FRMPD4: variants seen among roughly 807,000 people sequenced by gnomAD.
FRMPD4 encodes FERM and PDZ domain containing 4, also known as FERM and PDZ domain-containing protein 4.
Under a neutral mutation model 94.1 loss-of-function variants are expected in FRMPD4, and 22 were observed. That is an observed-to-expected ratio of 0.23 (90% CI 0.17 to 0.33). FRMPD4 has a LOEUF of 0.33. Ranked by LOEUF, FRMPD4 falls within the 10% of genes least tolerant of loss-of-function variation. The pLI is 1.00. For synonymous variants in FRMPD4, 631 were observed against 548.6 expected, an observed-to-expected ratio of 1.15 and a Z score of -2.10; for missense variants, 1,111 against 1,339.9, an observed-to-expected ratio of 0.83 and a Z score of 2.67.
intron 1 of FRMPD4, among the ~76,000 whole-genome samples, chrX:12,217,669 C>T (rs767949660): frequency 1.8e-5 from 2 of 111,991 alleles, no homozygotes; most frequent in Admixed American, 9.5e-5. Context: ...GTCAGTAAAC[C>T]GTGCCCTGCT....
chrX:12,169,476 T>C (rs1276829755), intron 1 of FRMPD4, among the ~76,000 whole-genome samples: 2 of 111,633 alleles, frequency 1.8e-5, no homozygotes, highest in Admixed American at 1.9e-4. Context: ...AGATCATAGG[T>C]TGACAAATTG....
chrX:11,974,584 G>T (rs2054357723), intron 3 of FRMPD4, among the ~76,000 whole-genome samples: 1 of 112,374 alleles, frequency 8.9e-6, no homozygotes, highest in African/African-American at 3.2e-5. Context: ...TCAGAAACCA[G>T]ATGATTCCCA....
chrX:12,298,274 T>A (rs918024073), intron 1 of FRMPD4, among the ~76,000 whole-genome samples: 2 of 112,258 alleles, frequency 1.8e-5, no homozygotes, highest in Admixed American at 9.4e-5. Flanking sequence ...TACACACAGA[T>A]CCCCTCAATG....
chrX:12,578,589 T>A (rs991826528), intron 2 of FRMPD4, among the ~76,000 whole-genome samples: 1 of 112,072 alleles, frequency 8.9e-6, no homozygotes, highest in Non-Finnish European at 1.9e-5. Flanking sequence ...TGTGTTTGTG[T>A]GTTTATGTTA....
At chrX:12,420,890 A>G (rs773498606) in intron 1 of FRMPD4, among the ~76,000 whole-genome samples, 1 of 111,826 alleles carries the variant, frequency 8.9e-6, no homozygotes. Context: ...CTCCGTACCT[A>G]TTTGTCGAAT....
chrX:12,255,557 A>G (rs1402576093), intron 1 of FRMPD4, among the ~76,000 whole-genome samples: 1 of 112,321 alleles, frequency 8.9e-6, no homozygotes, highest in Non-Finnish European at 1.9e-5. Context: ...ATTCAATTCA[A>G]TTCTGTTATC....
At chrX:12,620,833 G>A (rs1024587193) in intron 4 of FRMPD4, among the ~76,000 whole-genome samples, 4 of 112,577 alleles carry the variant, frequency 3.6e-5, no homozygotes, top group African/African-American at 1.3e-4. Context: ...GTAGTCACAT[G>A]ATCTGGCTCC....
intron 3 of FRMPD4, among the ~76,000 whole-genome samples, chrX:11,943,287 A>G (rs1261184855): frequency 9.0e-6 from 1 of 111,261 alleles, no homozygotes; most frequent in African/African-American, 3.3e-5. Context: ...TTTTTATTAC[A>G]TTCTGATTTT....
At chrX:12,119,016 G>A (rs2055433215) in intron 3 of FRMPD4, among the ~76,000 whole-genome samples, 1 of 110,988 alleles carries the variant, frequency 9.0e-6, no homozygotes, top group Non-Finnish European at 1.9e-5. Flanking sequence ...TGCATTTTCT[G>A]TGACTCTAAG....
intron 3 of FRMPD4, among the ~76,000 whole-genome samples, chrX:11,944,611 A>G (rs1206248727): frequency 8.9e-6 from 1 of 111,805 alleles, no homozygotes; most frequent in Non-Finnish European, 1.9e-5. Context: ...AAGAAGGGCT[A>G]GGATCAGCAG....
intron 3 of FRMPD4, among the ~76,000 whole-genome samples, chrX:12,033,596 A>C (rs1161365679): frequency 8.9e-6 from 1 of 112,070 alleles, no homozygotes; most frequent in African/African-American, 3.2e-5. Context: ...CATGGAATAA[A>C]GGAAGAGATT....
intron 3 of FRMPD4, among the ~76,000 whole-genome samples, chrX:11,976,677 CTT>C (rs1230130047): frequency 8.9e-6 from 1 of 112,301 alleles, no homozygotes; most frequent in Non-Finnish European, 1.9e-5. Flanking sequence ...AGATCACACA[CTT>C]TTGTTTTGTT....
intron 2 of FRMPD4, among the ~76,000 whole-genome samples, chrX:12,584,905 TTCTC>T (rs1345869679): frequency 3.6e-5 from 4 of 111,884 alleles, no homozygotes; most frequent in African/African-American, 1.3e-4. Context: ...TGAATTGGGT[TTCTC>T]TATTTTTATT....
intron 1 of FRMPD4, among the ~76,000 whole-genome samples, chrX:12,241,628 A>T (rs926282970): frequency 8.9e-6 from 1 of 111,741 alleles, no homozygotes; most frequent in Non-Finnish European, 1.9e-5. Flanking sequence ...GGCCTGGCAC[A>T]CTGGCTCACG....
In FRMPD4 at chrX:12,109,084, C is replaced by T. The variant is rs753289364; in HGVS notation, c.95+231066C>T. Among the ~76,000 whole-genome samples, 3 of 111,773 alleles carry T rather than the reference C, an allele frequency of 2.7e-5. No individual in the cohort carries two copies. The South Asian group carries it at 1.1e-3, about 42-fold the overall frequency. ...TGCACCAAGCGGACCTAATAGACAT[C>T]TACAGAACTCTCCACCCCAAATCAA... On this transcript the variant is annotated intron_variant, in intron 3 of 18. Coordinates refer to the FRMPD4 transcript ENST00000640291.
At chrX:12,710,378 A>G (rs1442824677) in intron 13 of FRMPD4, 21 bp from the exon 14 acceptor site, 1 of 1,183,261 alleles carries the variant, frequency 8.5e-7, no homozygotes, top group Middle Eastern at 2.4e-4. Context: ...GGCTTTAACC[A>G]AAGTGTTCTC....
chrX:12,098,678 G>T (rs1042858781), intron 3 of FRMPD4, among the ~76,000 whole-genome samples: 1 of 111,285 alleles, frequency 9.0e-6, no homozygotes, highest in African/African-American at 3.3e-5. Context: ...ATTTTTAATT[G>T]CTATGATTTG....
chrX:12,671,804 A>G (rs955498582), intron 4 of FRMPD4, among the ~76,000 whole-genome samples: 1 of 111,388 alleles, frequency 9.0e-6, no homozygotes. Flanking sequence ...GGGTGCAATC[A>G]TAAGACAACT....
intron 2 of FRMPD4, among the ~76,000 whole-genome samples, chrX:11,873,476 T>C (rs983412739): frequency 9.0e-5 from 10 of 110,899 alleles, no homozygotes; most frequent in African/African-American, 2.9e-4. Context: ...AGATATGAAA[T>C]ACTTAGGGAT....
Sources: gnomAD v4.1 joint callset for allele counts (sites outside exome capture counted in the v4.1 genomes callset) on GRCh38, gnomAD v4.1.1 for gene constraint, MANE v1.5 for transcripts, NCBI Gene and HGNC (gene_info 2026-07-23, HGNC 2026-07-21) for gene names.